The following ALOX12B variants were observed in gnomAD, a reference collection of about 807,000 sequenced individuals.
The protein encoded by ALOX12B is arachidonate 12-lipoxygenase, 12R-type.
In ALOX12B, 47 loss-of-function variants were observed where a neutral mutation model predicts 78.9. The observed-to-expected ratio is 0.60, with a 90% CI of 0.47 to 0.76. The LOEUF (loss-of-function observed/expected upper bound fraction) is 0.76. ALOX12B is among the 30% of genes least tolerant of loss of function. The pLI, the probability that ALOX12B is intolerant of heterozygous loss-of-function variation, is 0.00. For missense variants in ALOX12B, 805 were observed against 922.6 expected, an observed-to-expected ratio of 0.87 and a Z score of 1.65; for synonymous variants, 370 against 374.5, an observed-to-expected ratio of 0.99 and a Z score of 0.14.
Position 8,081,093 on chromosome 17 carries a change from C to A in ALOX12B, c.434+13G>T. On this transcript the variant is annotated intron_variant, in intron 3 of 14. Coordinates refer to ENST00000647874, the MANE Select transcript of ALOX12B (RefSeq NM_001139.3). ...CCTGCCGGGCGCCCAGACTCTGCCA[C>A]CCGCCCCCTCACTGGTAGAAGTCCT... is the stretch of plus-strand genomic sequence containing the variant. The A allele has an allele frequency of 1.5e-5, 24 of 1,613,722 alleles. No individual in the cohort carries two copies. Among genetic ancestry groups the A allele is most frequent in the Non-Finnish European group, 2.0e-5 (24 of 1,179,976 alleles).
rs751519067 is a variant in ALOX12B, at chr17:8,080,859, G to T, written c.527+25C>A. 2.5e-5 allele frequency: 41 copies of T among 1,613,792 alleles called. No individual in the cohort carries two copies. In the Admixed American group the frequency reaches 2.8e-4, roughly 11 times the overall value. Reference sequence around the variant, plus strand: ...CGCCCAGGGGAAAACCATGGGCGGGGCCCAGCACAGCTTCGGGTCCTTACT... The same window carrying T: ...CGCCCAGGGGAAAACCATGGGCGGGTCCCAGCACAGCTTCGGGTCCTTACT... On this transcript the variant is annotated intron_variant, in intron 4 of 14. Transcript: ENST00000647874. The surrounding 1 kb of genome is among the most constrained non-coding windows in gnomAD (Gnocchi z 4.8).
chr17:8,072,660 G>A lies in ALOX12B; in HGVS notation c.*111C>T. 2.5e-5 allele frequency: 37 copies of A among 1,461,890 alleles called. No homozygotes were observed. The highest frequency in any genetic ancestry group is 3.5e-5 in the Non-Finnish European group (37 of 1,056,334). The allele number at this position is 1,461,890 out of a possible 1,614,324, so 90.6% of individuals were successfully genotyped here. A position where few individuals can be genotyped will look rare whatever the true frequency, so the allele number is the denominator to read the frequency against. ...GGAAAGGAAGGTTTTTTGTTTTTTT[G>A]TTTGTTTGGTGTTTTGGTCTCTGAG... On this transcript the variant is annotated 3_prime_UTR_variant, in exon 15 of 15. Transcript: ENST00000647874.
At position 8,079,970 on chromosome 17, in the gene ALOX12B, G is replaced by A. The variant is rs765921942; in HGVS notation, c.755-29C>T. 30 of 1,603,356 alleles carry A rather than the reference G, an allele frequency of 1.9e-5. No homozygotes were observed. The highest frequency in any genetic ancestry group is 2.4e-5 in the Non-Finnish European group (28 of 1,175,310). On this transcript the variant is annotated intron_variant, in intron 6 of 14. Transcript: ENST00000647874. This position sits in a 1 kb window ranked among gnomAD's most constrained non-coding sequence, Gnocchi z 6.4. Reference sequence around the variant, plus strand: ...CGAGGACGGCGCGAGGGCGTCACAAGGAGGCCCGGCCCCCCTCGGGGACGG... The same window carrying A: ...CGAGGACGGCGCGAGGGCGTCACAAAGAGGCCCGGCCCCCCTCGGGGACGG...
chr17:8,078,443 CCGGGCCTAGAGAG>C (rs1214569052), intron 8 of ALOX12B, among the ~76,000 whole-genome samples: 3 of 151,822 alleles, frequency 2.0e-5, no homozygotes, highest in Admixed American at 6.6e-5. Flanking sequence ...AGCCACCACA[CCGGGCCTAGAGAG>C]CGGGCCTAGA....
At chr17:8,085,968 G>A (rs751782936) in intron 2 of ALOX12B, 48 bp downstream of exon 2, 12 of 1,602,176 alleles carry the variant, frequency 7.5e-6, no homozygotes, top group Non-Finnish European at 9.4e-6. Context: ...GCAGGCTGGA[G>A]CTAGAGGCCT....
chr17:8,082,796 T>C (rs1978288825), intron 2 of ALOX12B, among the ~76,000 whole-genome samples: 1 of 152,160 alleles, frequency 6.6e-6, no homozygotes, highest in Non-Finnish European at 1.5e-5. Flanking sequence ...CATTCCTTCG[T>C]CACCACCGGA....
Position 8,087,426 on chromosome 17 carries a change from A to T in ALOX12B, c.17T>A (p.Val6Asp). 6.2e-7 allele frequency: 1 copy of T among 1,614,144 alleles called. No homozygotes were observed. The highest frequency in any genetic ancestry group is 8.5e-7 in the Non-Finnish European group (1 of 1,180,026). The change falls in exon 1 of 15, where the codon GTC becomes GAC. Residue 6 changes from valine to aspartate, a missense_variant. Transcript: ENST00000647874. MATYKVRVATGTDLLS... is the reference protein window; with the variant it reads MATYKDRVATGTDLLS... ...GAGGTCGGTGCCTGTGGCCACCCTG[A>T]CTTTGTAGGTGGCCATGGCTGCTCT...
At position 8,081,101 on chromosome 17, in the gene ALOX12B, C is replaced by G; in HGVS notation, c.434+5G>C. Reference sequence around the variant, plus strand: ...GCGCCCAGACTCTGCCACCCGCCCCCTCACTGGTAGAAGTCCTGCTTGGCT... The same window carrying G: ...GCGCCCAGACTCTGCCACCCGCCCCGTCACTGGTAGAAGTCCTGCTTGGCT... On this transcript the variant is annotated splice_donor_5th_base_variant and intron_variant, in intron 3 of 14. Transcript: ENST00000647874. 6.2e-7 allele frequency: 1 copy of G among 1,613,842 alleles called. No homozygotes were observed. Among genetic ancestry groups the G allele is most frequent in the Non-Finnish European group, 8.5e-7 (1 of 1,180,018 alleles).
chr17:8,084,628 C>T (rs1348037318), intron 2 of ALOX12B, among the ~76,000 whole-genome samples: 5 of 152,232 alleles, frequency 3.3e-5, no homozygotes, highest in Non-Finnish European at 7.3e-5. Context: ...CACCATCTCC[C>T]AGGCTTTCCT....
intron 2 of ALOX12B, 121 bp downstream of exon 2, chr17:8,085,895 G>A: frequency 8.7e-7 from 1 of 1,152,166 alleles, no homozygotes; most frequent in South Asian, 1.3e-5. Context: ...GAGAGCCCAG[G>A]AGTCCCTGGT....
At chr17:8,083,751 C>CAAA (rs35241692) in intron 2 of ALOX12B, among the ~76,000 whole-genome samples, 1 of 150,130 alleles carries the variant, frequency 6.7e-6, no homozygotes. Flanking sequence ...AAAAACAAAA[C>CAAA]AAAAAAAAAC....
intron 2 of ALOX12B, among the ~76,000 whole-genome samples, chr17:8,084,031 G>A (rs933436389): frequency 4.6e-5 from 7 of 152,036 alleles, no homozygotes; most frequent in African/African-American, 7.2e-5. Context: ...GGTGGCACTC[G>A]CCTGTAGTCC....
rs779160373 is a variant in ALOX12B at position 8,075,608 on chromosome 17, C to T, written c.1641G>A (p.Gly547=). The T allele has an allele frequency of 2.1e-5, 34 of 1,614,068 alleles. No homozygotes were observed. Among genetic ancestry groups the T allele is most frequent in the Non-Finnish European group, 2.8e-5 (33 of 1,180,036 alleles). The change falls in exon 12 of 15, where the codon GGG becomes GGA. Residue 547 remains glycine, a synonymous_variant. Transcript: ENST00000647874. ...CCAGGCCCATACCTGAGCTCTCCCG[C>T]CCCAGGAGGCACTCTTTAAATATTT... ...VQEIFKECLL[G]RESSGFPRCL...
At chr17:8,086,787 A>G (rs749903529) in intron 1 of ALOX12B, among the ~76,000 whole-genome samples, 1 of 152,108 alleles carries the variant, frequency 6.6e-6, no homozygotes, top group African/African-American at 2.4e-5. Context: ...GACAGTTAGG[A>G]GGCAGCTGAA....
chr17:8,081,051 C>T (rs1279640027), intron 3 of ALOX12B, 55 bp downstream of exon 3: 27 of 1,612,634 alleles, frequency 1.7e-5, no homozygotes, highest in South Asian at 3.3e-5. Context: ...CATCACTGCC[C>T]CCCACCTCCC....
In ALOX12B at chr17:8,075,576, C is replaced by T. The variant is rs767662512; in HGVS notation, c.1654+19G>A. The T allele has an allele frequency of 6.2e-7, 1 of 1,613,904 alleles. No homozygotes were observed. Among genetic ancestry groups the T allele is most frequent in the Admixed American group, 1.7e-5 (1 of 60,026 alleles). ...TCAGTCCCAGCTCCCCCTGATTGCC[C>T]AGGTGTCCAGGCCCATACCTGAGCT... On this transcript the variant is annotated intron_variant, in intron 12 of 14. Transcript: ENST00000647874.
At chr17:8,084,451 G>A (rs1978291529) in intron 2 of ALOX12B, among the ~76,000 whole-genome samples, 1 of 152,190 alleles carries the variant, frequency 6.6e-6, no homozygotes, top group Admixed American at 6.5e-5. Flanking sequence ...AGGGCCCTAT[G>A]GGTGACTCAA....
At position 8,087,697 on chromosome 17, in the gene ALOX12B, G is replaced by A. The variant is rs897204111; in HGVS notation, c.-255C>T. On this transcript the variant is annotated 5_prime_UTR_variant, in exon 1 of 15. Transcript: ENST00000647874. Reference sequence around the variant, plus strand: ...CCCAGCTGGTGGTGAGTGAGCAGGTGTCTGGGCTCCAAGCCTTCTGGGAGC... The same window carrying A: ...CCCAGCTGGTGGTGAGTGAGCAGGTATCTGGGCTCCAAGCCTTCTGGGAGC... 7 of 573,440 alleles carry A rather than the reference G, an allele frequency of 1.2e-5. 1 individual carries two copies. Among genetic ancestry groups the A allele is most frequent in the East Asian group, 1.2e-4 (4 of 33,090 alleles). The allele number at this position is 573,440 out of a possible 1,614,324, so 35.5% of individuals were successfully genotyped here. A position where few individuals can be genotyped will look rare whatever the true frequency, so the allele number is the denominator to read the frequency against.
Position 8,073,073 on chromosome 17 carries a change from G to A in ALOX12B, c.1926+75C>T, listed in dbSNP as rs1200912236. 6.8e-6 allele frequency: 11 copies of A among 1,607,838 alleles called. No homozygotes were observed. The African/African-American group carries it at 8.0e-5, about 12-fold the overall frequency. ...TCTCACTCCCTGCTCCCCTCTTGAC[G>A]CCGCTAGTTATCCTCCCCCATCCCC... On this transcript the variant is annotated intron_variant, in intron 14 of 14. Coordinates refer to ENST00000647874, the MANE Select transcript of ALOX12B (RefSeq NM_001139.3).
Sources: gnomAD v4.1 joint callset for allele counts (sites outside exome capture counted in the v4.1 genomes callset) on GRCh38, gnomAD v4.1.1 for gene constraint, Gnocchi (gnomAD v3.1) non-coding constraint, MANE v1.5 for transcripts, NCBI Gene and HGNC (gene_info 2026-07-23, HGNC 2026-07-21) for gene names.